The following PSTPIP2 variants were observed in gnomAD, a reference collection of about 807,000 sequenced individuals.
PSTPIP2 encodes the protein proline-serine-threonine phosphatase interacting protein 2, also known as proline-serine-threonine phosphatase-interacting protein 2.
In PSTPIP2, 33 loss-of-function variants were observed where a neutral mutation model predicts 63.3. That is an observed-to-expected ratio of 0.52 (90% CI 0.40 to 0.70). PSTPIP2 has a LOEUF of 0.70. Ranked by LOEUF, PSTPIP2 falls within the 30% of genes least tolerant of loss-of-function variation. The pLI is 0.00. For missense variants in PSTPIP2, 312 were observed against 400.7 expected (o/e 0.78, Z 1.89); for synonymous variants, 125 against 132.7 (o/e 0.94, Z 0.40).
intron 1 of PSTPIP2, among the ~76,000 whole-genome samples, chr18:46,047,057 A>G (rs1908407518): frequency 6.6e-6 from 1 of 152,220 alleles, no homozygotes. Flanking sequence ...ACTGCTTCCA[A>G]CCACTATGAA....
chr18:45,988,698 T>C lies in PSTPIP2; in HGVS notation c.*8+4A>G. The C allele has an allele frequency of 1.3e-6, 2 of 1,537,950 alleles. No individual in the cohort carries two copies. Among genetic ancestry groups the C allele is most frequent in the Non-Finnish European group, 9.0e-7 (1 of 1,110,918 alleles). ...TCAATTATGTGAAAAATAAAGGTTC[T>C]TACCATTGATTTTACTGATAGAGCA... On this transcript the variant is annotated splice_donor_region_variant and intron_variant, in intron 14 of 14. Transcript: ENST00000409746.
chr18:46,064,358 T>G, intron 1 of PSTPIP2, among the ~76,000 whole-genome samples: 1 of 142,952 alleles, frequency 7.0e-6, no homozygotes, highest in East Asian at 2.1e-4. Flanking sequence ...CGGAGTGACC[T>G]TGGCTCACTG....
chr18:45,995,583 C>A (rs927270493), intron 9 of PSTPIP2, among the ~76,000 whole-genome samples: 1 of 152,120 alleles, frequency 6.6e-6, no homozygotes, highest in Admixed American at 6.5e-5. Flanking sequence ...TATCAGATGG[C>A]AAAGAGAGAT....
At chr18:46,050,901 C>T (rs1041075971) in intron 1 of PSTPIP2, among the ~76,000 whole-genome samples, 9 of 149,988 alleles carry the variant, frequency 6.0e-5, no homozygotes, top group Non-Finnish European at 8.9e-5. Flanking sequence ...CTCACTGTGT[C>T]GCTCAGGCTG....
chr18:46,025,841 G>A (rs1471380707), intron 2 of PSTPIP2, among the ~76,000 whole-genome samples: 1 of 152,134 alleles, frequency 6.6e-6, no homozygotes, highest in African/African-American at 2.4e-5. Context: ...TGCGACCTCC[G>A]CCTCCCGGGT....
At chr18:46,036,080 A>T (rs946963868) in intron 2 of PSTPIP2, among the ~76,000 whole-genome samples, 1 of 149,774 alleles carries the variant, frequency 6.7e-6, no homozygotes, top group Non-Finnish European at 1.5e-5. Context: ...AGTATTATTT[A>T]ATTATTATAT....
At chr18:45,997,625 C>A in intron 9 of PSTPIP2, 124 bp downstream of exon 9, 1 of 107,074 alleles carries the variant, frequency 9.3e-6, no homozygotes, top group East Asian at 3.2e-4. Context: ...CAACCCCCGG[C>A]CCCACTCCCC....
At chr18:46,058,388 A>G (rs1164784270) in intron 1 of PSTPIP2, among the ~76,000 whole-genome samples, 2 of 151,300 alleles carry the variant, frequency 1.3e-5, no homozygotes, top group African/African-American at 4.9e-5. Flanking sequence ...ACAGAGTATC[A>G]CTCTGTCGCC....
intron 6 of PSTPIP2, among the ~76,000 whole-genome samples, chr18:46,004,424 A>G (rs1337006430): frequency 6.6e-6 from 1 of 152,234 alleles, no homozygotes; most frequent in African/African-American, 2.4e-5. Context: ...ATTTCTAGCA[A>G]CTTGTCCAAT....
chr18:45,990,762 A>G lies in PSTPIP2; in HGVS notation c.921-6T>C. The G allele has an allele frequency of 6.3e-7, 1 of 1,596,140 alleles. No homozygotes were observed. Among genetic ancestry groups the G allele is most frequent in the Non-Finnish European group, 8.6e-7 (1 of 1,166,552 alleles). On this transcript the variant is annotated splice_polypyrimidine_tract_variant and splice_region_variant and intron_variant, in intron 12 of 14. Transcript: ENST00000409746. ...GAATTGGGAGGGGTCCTCTCCTGTA[A>G]GAAATGAAAACCAAAGTATTTTAGA...
intron 1 of PSTPIP2, among the ~76,000 whole-genome samples, chr18:46,064,265 CTTCTTTCTTTTTCT>C (rs1909091205): frequency 1.5e-5 from 2 of 130,356 alleles, no homozygotes; most frequent in African/African-American, 5.7e-5. Context: ...TTCTTTTTTT[CTTCTTTCTTTTTCT>C]TTCTTTTTTT....
chr18:46,039,854 C>A (rs1568225982), intron 2 of PSTPIP2, 93 bp downstream of exon 2: 2 of 1,069,604 alleles, frequency 1.9e-6, no homozygotes, highest in Non-Finnish European at 2.9e-6. Flanking sequence ...TCTTCAGAAC[C>A]ATTAAACACA....
chr18:46,001,485 G>A (rs988438724), intron 6 of PSTPIP2, among the ~76,000 whole-genome samples: 1 of 151,914 alleles, frequency 6.6e-6, no homozygotes, highest in Non-Finnish European at 1.5e-5. Flanking sequence ...AGTTCCTTGT[G>A]TATTTTGGAT....
chr18:46,016,868 T>C (rs2051857501), intron 3 of PSTPIP2, among the ~76,000 whole-genome samples: 1 of 152,238 alleles, frequency 6.6e-6, no homozygotes, highest in Non-Finnish European at 1.5e-5. Flanking sequence ...CCGATTATCC[T>C]TCCTAACAAG....
intron 1 of PSTPIP2, among the ~76,000 whole-genome samples, chr18:46,052,546 A>G (rs1198332463): frequency 3.3e-5 from 5 of 149,846 alleles, no homozygotes; most frequent in African/African-American, 1.2e-4. Flanking sequence ...GCAAGTTAAT[A>G]GAAAATGTTT....
chr18:45,987,921 G>C (rs768144346), intron 14 of PSTPIP2, among the ~76,000 whole-genome samples: 4 of 152,190 alleles, frequency 2.6e-5, no homozygotes, highest in Non-Finnish European at 5.9e-5. Context: ...TGCTTATTCA[G>C]AGCAATAATA....
At chr18:46,048,891 GTGAT>G (rs1212807679) in intron 1 of PSTPIP2, among the ~76,000 whole-genome samples, 2 of 152,090 alleles carry the variant, frequency 1.3e-5, no homozygotes, top group Non-Finnish European at 2.9e-5. Context: ...TCATTGTATT[GTGAT>G]TGATTGTGTA....
chr18:46,010,974 G>A (rs2051788965), intron 5 of PSTPIP2: 1 of 521,878 alleles, frequency 1.9e-6, no homozygotes, highest in South Asian at 2.8e-5. Flanking sequence ...TGAATCCTAT[G>A]TGAACTTTAA....
At chr18:46,057,572 C>T (rs905436468) in intron 1 of PSTPIP2, among the ~76,000 whole-genome samples, 1 of 152,008 alleles carries the variant, frequency 6.6e-6, no homozygotes, top group Non-Finnish European at 1.5e-5. Context: ...TCAGGTGATC[C>T]ACCCACCTCC....
Sources: gnomAD v4.1 joint callset for allele counts (sites outside exome capture counted in the v4.1 genomes callset) on GRCh38, gnomAD v4.1.1 for gene constraint, MANE v1.5 for transcripts, NCBI Gene and HGNC (gene_info 2026-07-23, HGNC 2026-07-21) for gene names.